SCAF4: variants seen among roughly 807,000 people sequenced by gnomAD.
The protein encoded by SCAF4 is SR-related CTD associated factor 4.
A neutral mutation model predicts 129.8 loss-of-function variants in SCAF4; 25 were observed. The ratio of observed to expected loss-of-function variants is 0.19; its 90% CI spans 0.14 to 0.27. The LOEUF (loss-of-function observed/expected upper bound fraction) is 0.27, where lower values mean the gene tolerates loss of function less well. Among genes scored for constraint, SCAF4 ranks in the 10% least tolerant of loss-of-function variants. SCAF4 has a pLI of 1.00. For synonymous variants in SCAF4, 551 were observed against 497.7 expected (o/e 1.11, Z -1.43); for missense variants, 1,246 against 1,457.1 (o/e 0.86, Z 2.36).
At position 31,718,249 on chromosome 21, in the gene SCAF4, AT is replaced by A. The variant is rs569503927; in HGVS notation, c.31-11893del. ...GCGTGAGGCACTGTGCCAGGCCTAT[AT>A]TTTTTTCAACATCTCTTCATTAAAG... On this transcript the variant is annotated intron_variant, in intron 1 of 19. Coordinates refer to ENST00000286835, the MANE Select transcript of SCAF4 (RefSeq NM_020706.2). Among the ~76,000 whole-genome samples, 229 of 151,936 alleles carry A rather than the reference AT, an allele frequency of 1.5e-3. 2 individuals carry two copies. Among genetic ancestry groups the A allele is most frequent in the African/African-American group, 5.4e-3 (225 of 41,450 alleles).
At chr21:31,704,837 G>A (rs747367737) in intron 3 of SCAF4, among the ~76,000 whole-genome samples, 20 of 151,974 alleles carry the variant, frequency 1.3e-4, no homozygotes, top group Non-Finnish European at 2.5e-4. Context: ...TTGCCTGTTG[G>A]AACTTTAACT....
rs1007973037 is a variant in SCAF4, at chr21:31,694,227, C to T, written c.1299G>A (p.Lys433=). Residue 433 remains lysine, a synonymous_variant, in exon 11 of 20, where the codon AAG becomes AAA. Transcript: ENST00000286835. ...ACCTGGATGCTGACCTAGATCTTGA[C>T]TTTCTGTTATCAGACATATGTCGCT... ...EVKRHMSDNR[K]SRSRSASRSP... The T allele has an allele frequency of 8.1e-6, 13 of 1,608,698 alleles. No individual in the cohort carries two copies. Among genetic ancestry groups the T allele is most frequent in the Admixed American group, 1.7e-5 (1 of 59,892 alleles).
intron 19 of SCAF4, among the ~76,000 whole-genome samples, chr21:31,683,746 G>A (rs2050050152): frequency 6.6e-6 from 1 of 151,462 alleles, no homozygotes; most frequent in Admixed American, 6.6e-5. Flanking sequence ...ATGCAAAGAT[G>A]TTCCCTGGTT....
intron 11 of SCAF4, 125 bp from the exon 12 acceptor site, chr21:31,693,609 AC>A: frequency 4.1e-6 from 2 of 491,092 alleles, no homozygotes; most frequent in Non-Finnish European, 6.6e-6. Context: ...AGAATGCAAT[AC>A]CTGAGAATTC....
intron 7 of SCAF4, among the ~76,000 whole-genome samples, chr21:31,699,437 C>T (rs966384609): frequency 6.6e-6 from 1 of 150,646 alleles, no homozygotes; most frequent in Non-Finnish European, 1.5e-5. Context: ...AGAATATACA[C>T]GAACAAATCT....
At chr21:31,691,791 A>G in intron 14 of SCAF4, 26 bp downstream of exon 14, 1 of 1,285,414 alleles carries the variant, frequency 7.8e-7, no homozygotes, top group Non-Finnish European at 1.1e-6. Flanking sequence ...TAAAAAAAAA[A>G]TTAATTATAA....
chr21:31,687,564 T>C (rs1376026814), intron 16 of SCAF4, among the ~76,000 whole-genome samples: 1 of 152,210 alleles, frequency 6.6e-6, no homozygotes, highest in East Asian at 1.9e-4. Context: ...CACATCTTCA[T>C]GTTAAATGGC....
At chr21:31,693,228 T>C (rs556422888) in intron 12 of SCAF4, 66 bp downstream of exon 12, 2 of 1,166,716 alleles carry the variant, frequency 1.7e-6, no homozygotes, top group Non-Finnish European at 2.3e-6. Flanking sequence ...CTAACAGTTA[T>C]AAAACACTTT....
chr21:31,680,536 T>C (rs1312723892), intron 19 of SCAF4, among the ~76,000 whole-genome samples: 1 of 152,242 alleles, frequency 6.6e-6, no homozygotes, highest in Admixed American at 6.5e-5. Context: ...GTAAACAGGC[T>C]TTTTGGGTAC....
rs1470972325 is a variant in SCAF4 at position 31,694,230 on chromosome 21, T to C, written c.1296A>G (p.Arg432=). The C allele has an allele frequency of 6.2e-7, 1 of 1,609,806 alleles. No homozygotes were observed. The highest frequency in any genetic ancestry group is 2.2e-5 in the East Asian group (1 of 44,756). Reference sequence around the variant, plus strand: ...TGGATGCTGACCTAGATCTTGACTTTCTGTTATCAGACATATGTCGCTTAA... The same window carrying C: ...TGGATGCTGACCTAGATCTTGACTTCCTGTTATCAGACATATGTCGCTTAA... ...QEVKRHMSDN[R]KSRSRSASRS... is the part of the protein sequence containing the mutation. Residue 432 remains arginine, a synonymous_variant, in exon 11 of 20, where the codon AGA becomes AGG. Coordinates refer to ENST00000286835, the MANE Select transcript of SCAF4 (RefSeq NM_020706.2).
At position 31,671,616 on chromosome 21, in the gene SCAF4, C is replaced by A; in HGVS notation, c.3227G>T (p.Arg1076Leu). 4 of 1,614,138 alleles carry A rather than the reference C, an allele frequency of 2.5e-6. No homozygotes were observed. Among genetic ancestry groups the A allele is most frequent in the Non-Finnish European group, 3.4e-6 (4 of 1,180,026 alleles). ...TGTCACCTCAGGCTTTTCCTTTCCTCGGGCTTCTTCCTTCTCTCTACGAGA... is the reference window on the plus strand; with the variant it reads ...TGTCACCTCAGGCTTTTCCTTTCCTAGGGCTTCTTCCTTCTCTCTACGAGA... ...RESRREKEEA[R>L]GKEKPEVTDR... Residue 1076 changes from arginine to leucine, a missense_variant, in exon 20 of 20, where the codon CGA becomes CTA. Coordinates refer to ENST00000286835, the MANE Select transcript of SCAF4 (RefSeq NM_020706.2).
At chr21:31,673,672 C>T (rs778221075) in intron 19 of SCAF4, among the ~76,000 whole-genome samples, 9 of 152,212 alleles carry the variant, frequency 5.9e-5, no homozygotes, top group Non-Finnish European at 1.2e-4. Context: ...ATATACCATA[C>T]ACTGGGGCAA....
intron 1 of SCAF4, among the ~76,000 whole-genome samples, chr21:31,709,058 A>C (rs1242092148): frequency 6.6e-6 from 1 of 152,194 alleles, no homozygotes; most frequent in Non-Finnish European, 1.5e-5. Flanking sequence ...GCTTTGTGTG[A>C]AATCTCTAAT....
intron 3 of SCAF4, among the ~76,000 whole-genome samples, chr21:31,704,934 G>C (rs1275555978): frequency 6.6e-6 from 1 of 152,126 alleles, no homozygotes; most frequent in Non-Finnish European, 1.5e-5. Flanking sequence ...CACAGCTCCA[G>C]GTCAGGGGTT....
At chr21:31,709,654 G>T (rs1004744759) in intron 1 of SCAF4, among the ~76,000 whole-genome samples, 1 of 152,046 alleles carries the variant, frequency 6.6e-6, no homozygotes, top group South Asian at 2.1e-4. Flanking sequence ...CAAAAGACCA[G>T]CAAGAGAACA....
intron 7 of SCAF4, among the ~76,000 whole-genome samples, chr21:31,698,279 A>G (rs1178964927): frequency 6.6e-6 from 1 of 152,224 alleles, no homozygotes; most frequent in East Asian, 1.9e-4. Context: ...AGCTTGAAAC[A>G]GACCTTTTTA....
chr21:31,688,786 A>G (rs1282258873), intron 15 of SCAF4, among the ~76,000 whole-genome samples: 1 of 152,214 alleles, frequency 6.6e-6, no homozygotes, highest in Non-Finnish European at 1.5e-5. Context: ...CATTCTTGGT[A>G]AATGGCAGGG....
intron 19 of SCAF4, among the ~76,000 whole-genome samples, chr21:31,675,625 A>C (rs1218497262): frequency 6.6e-6 from 1 of 152,218 alleles, no homozygotes; most frequent in Non-Finnish European, 1.5e-5. Context: ...CAGACCTGGG[A>C]AACAAATTTT....
In SCAF4 at chr21:31,671,924, A is replaced by AGGCTGTTGTGATGGTGGT; in HGVS notation, c.2901_2918dup (p.Ser970_Pro975dup). The AGGCTGTTGTGATGGTGGT allele has an allele frequency of 6.2e-7, 1 of 1,612,006 alleles. No homozygotes were observed. ...GCTGTGGCTGCTGCTGTGTTGGTGGAGGCTGTTGTGATGGTGGTGGCTGCT... is the reference window on the plus strand; with the variant it reads ...GCTGTGGCTGCTGCTGTGTTGGTGGAGGCTGTTGTGATGGTGGTGGCTGTTGTGATGGTGGTGGCTGCT... On this transcript the variant is annotated inframe_insertion, in exon 20 of 20. Coordinates refer to ENST00000286835, the MANE Select transcript of SCAF4 (RefSeq NM_020706.2).
Sources: gnomAD v4.1 joint callset for allele counts (sites outside exome capture counted in the v4.1 genomes callset) on GRCh38, gnomAD v4.1.1 for gene constraint, MANE v1.5 for transcripts, NCBI Gene and HGNC (gene_info 2026-07-23, HGNC 2026-07-21) for gene names.